Variants in TTC27 observed in about 807,000 individuals in gnomAD.
The protein encoded by TTC27 is tetratricopeptide repeat domain 27.
TTC27 carries 79 observed loss-of-function variants against 115.9 expected under a neutral mutation model. That is an observed-to-expected ratio of 0.68 (90% CI 0.57 to 0.82). The LOEUF (loss-of-function observed/expected upper bound fraction) is 0.82. TTC27 is among the 40% of genes least tolerant of loss of function. The probability of loss-of-function intolerance (pLI) is 0.00; values close to 1 mark genes in which losing one functional copy is unlikely to be tolerated. For synonymous variants in TTC27, 401 were observed against 356.0 expected, an observed-to-expected ratio of 1.13 and a Z score of -1.42; for missense variants, 1,054 against 993.1, an observed-to-expected ratio of 1.06 and a Z score of -0.82.
At chr2:32,689,072 T>A (rs1362890012) in intron 9 of TTC27, among the ~76,000 whole-genome samples, 1 of 152,116 alleles carries the variant, frequency 6.6e-6, no homozygotes, top group African/African-American at 2.4e-5. Context: ...CATGGATGAA[T>A]CTCAGACACA....
At chr2:32,799,266 T>G (rs973873180) in intron 16 of TTC27, among the ~76,000 whole-genome samples, 1 of 152,046 alleles carries the variant, frequency 6.6e-6, no homozygotes, top group South Asian at 2.1e-4. Context: ...TGGGGTAGAG[T>G]TTCAGTTTTA....
intron 7 of TTC27, among the ~76,000 whole-genome samples, chr2:32,667,323 C>T (rs58358192): frequency 0.045 from 6,850 of 151,510 alleles, 492 homozygotes; most frequent in African/African-American, 0.16. Context: ...GACTCTTGGT[C>T]AGTTTACCTA....
intron 4 of TTC27, among the ~76,000 whole-genome samples, chr2:32,643,479 T>TA (rs1559184003): frequency 6.6e-6 from 1 of 151,924 alleles, no homozygotes; most frequent in East Asian, 2.0e-4. Flanking sequence ...CTAATTTTTT[T>TA]GTACTTTTAG....
chr2:32,817,647 G>A, intron 19 of TTC27, 90 bp downstream of exon 19: 1 of 1,180,708 alleles, frequency 8.5e-7, no homozygotes, highest in Non-Finnish European at 1.3e-6. Flanking sequence ...TTTTACATCA[G>A]TGATAATTTT....
chr2:32,765,185 A>G (rs1426528507), intron 13 of TTC27, among the ~76,000 whole-genome samples: 1 of 152,168 alleles, frequency 6.6e-6, no homozygotes, highest in Non-Finnish European at 1.5e-5. Flanking sequence ...ACCCTTGTGA[A>G]ATGTATTTCT....
intron 15 of TTC27, among the ~76,000 whole-genome samples, chr2:32,785,010 A>G (rs576657883): frequency 6.6e-6 from 1 of 152,318 alleles, no homozygotes; most frequent in African/African-American, 2.4e-5. Context: ...AATCCCTGAG[A>G]TAGTTCTCTT....
chr2:32,632,664 A>G (rs1421105206), intron 2 of TTC27, among the ~76,000 whole-genome samples: 1 of 151,418 alleles, frequency 6.6e-6, no homozygotes, highest in Non-Finnish European at 1.5e-5. Context: ...ATAGGCTTGT[A>G]TGTTTGATTT....
chr2:32,667,411 C>T (rs1018553466), intron 7 of TTC27, among the ~76,000 whole-genome samples: 1 of 146,878 alleles, frequency 6.8e-6, no homozygotes, highest in Non-Finnish European at 1.5e-5. Flanking sequence ...AAACCCCCAA[C>T]TACTTTTTTT....
chr2:32,728,342 G>C (rs1668181256), intron 10 of TTC27, among the ~76,000 whole-genome samples: 1 of 151,996 alleles, frequency 6.6e-6, no homozygotes, highest in African/African-American at 2.4e-5. Context: ...CGCCCGGCCA[G>C]GACTGCCTCT....
rs779282854 is a variant in TTC27 at position 32,711,930 on chromosome 2, C to A, written c.1233+9010C>A. On this transcript the variant is annotated intron_variant, in intron 10 of 19. Coordinates refer to ENST00000317907, the MANE Select transcript of TTC27 (RefSeq NM_017735.5). ...ACTCCAGCCTGGTGACAGAGTGAGA[C>A]TCTGTCTCAAAAAGAAAAAAAAAAG... Among the ~76,000 whole-genome samples, 259 of 151,774 alleles carry A rather than the reference C, an allele frequency of 1.7e-3. 1 individual carries two copies. The highest frequency in any genetic ancestry group is 2.8e-3 in the Non-Finnish European group (188 of 67,930).
chr2:32,771,277 A>G (rs1171180102), intron 13 of TTC27, among the ~76,000 whole-genome samples: 1 of 152,240 alleles, frequency 6.6e-6, no homozygotes, highest in Non-Finnish European at 1.5e-5. Context: ...TAAGTTCGCA[A>G]TAATAGATGT....
intron 9 of TTC27, among the ~76,000 whole-genome samples, chr2:32,701,351 C>T (rs1387458031): frequency 6.6e-6 from 1 of 152,102 alleles, no homozygotes; most frequent in Admixed American, 6.6e-5. Flanking sequence ...CATCCATGTC[C>T]AGGAAGTAGT....
chr2:32,758,246 G>A (rs1204298994), intron 12 of TTC27, 46 bp from the exon 13 acceptor site: 2 of 1,520,590 alleles, frequency 1.3e-6, no homozygotes, highest in Non-Finnish European at 1.8e-6. Flanking sequence ...AAAAAAAATA[G>A]CAGTTAATCA....
chr2:32,697,294 T>C (rs1667021665), intron 9 of TTC27, among the ~76,000 whole-genome samples: 1 of 152,228 alleles, frequency 6.6e-6, no homozygotes, highest in African/African-American at 2.4e-5. Flanking sequence ...AGTTACTCAT[T>C]GCCTCTTATT....
rs1234224500 is a variant in TTC27, at chr2:32,681,333, G to GA, written c.1119+2416dup. On this transcript the variant is annotated intron_variant, in intron 9 of 19. Transcript: ENST00000317907. ...CAAATGAAACATACAAAATAAACCA[G>GA]AAAAACTTGTCAGCCCTTGTCAGCT... 3.9e-5 allele frequency among the ~76,000 whole-genome samples: 6 copies of GA among 152,108 alleles called. 1 individual carries two copies. The South Asian group carries it at 6.2e-4, about 16-fold the overall frequency.
chr2:32,631,069 C>T (rs1306701900), intron 2 of TTC27, among the ~76,000 whole-genome samples: 1 of 152,096 alleles, frequency 6.6e-6, no homozygotes, highest in Non-Finnish European at 1.5e-5. Context: ...TTTCGGAGGC[C>T]GAGGCGGGCG....
chr2:32,748,690 T>TC (rs1668909761), intron 12 of TTC27, among the ~76,000 whole-genome samples: 2 of 77,768 alleles, frequency 2.6e-5, no homozygotes, highest in East Asian at 2.5e-4. Context: ...CTAACAATTC[T>TC]TTTTTTTTTT....
intron 4 of TTC27, among the ~76,000 whole-genome samples, chr2:32,646,557 G>GTTTTTTTTTTTTTTTTTTTTTTTGTT (rs369232306): frequency 8.7e-6 from 1 of 114,502 alleles, no homozygotes; most frequent in Non-Finnish European, 1.7e-5. Flanking sequence ...TCTATATTTG[G>GTTTTTTTTTTTTTTTTTTTTTTTGTT]TTTTTTTTTT....
intron 14 of TTC27, among the ~76,000 whole-genome samples, chr2:32,781,434 T>A (rs577052830): frequency 1.2e-4 from 19 of 152,282 alleles, no homozygotes; most frequent in Admixed American, 2.6e-4. Flanking sequence ...CGCCATTTTT[T>A]AAAAAAATTG....
Sources: allele counts gnomAD v4.1 joint callset (sites outside exome capture counted in the v4.1 genomes callset), GRCh38; gene constraint gnomAD v4.1.1; transcripts MANE v1.5; gene names NCBI Gene and HGNC (gene_info 2026-07-23, HGNC 2026-07-21).